The following IGF1R variants were observed in gnomAD, a reference collection of about 807,000 sequenced individuals.
The protein encoded by IGF1R is insulin like growth factor 1 receptor.
A neutral mutation model predicts 144.6 loss-of-function variants in IGF1R; 44 were observed. The observed-to-expected ratio is 0.30, with a 90% confidence interval of 0.24 to 0.39. The LOEUF (loss-of-function observed/expected upper bound fraction) is 0.39. Ranked by LOEUF, IGF1R falls within the 10% of genes least tolerant of loss-of-function variation. IGF1R has a pLI of 1.00. For synonymous variants in IGF1R, 795 were observed against 722.8 expected (o/e 1.10, Z -1.60); for missense variants, 1,355 against 1,833.7 (o/e 0.74, Z 4.77).
intron 5 of IGF1R, among the ~76,000 whole-genome samples, chr15:98,904,049 A>ATTT (rs35759630): frequency 3.9e-5 from 4 of 103,784 alleles, no homozygotes; most frequent in Admixed American, 9.8e-5. Flanking sequence ...TGATGGGTGA[A>ATTT]TTTTTTTTTT....
intron 1 of IGF1R, among the ~76,000 whole-genome samples, chr15:98,656,429 A>T (rs1007698523): frequency 6.6e-6 from 1 of 152,132 alleles, no homozygotes; most frequent in African/African-American, 2.4e-5. Flanking sequence ...CGTGCCTATA[A>T]TCCCAGCTAC....
chr15:98,788,776 G>A (rs117944139), intron 2 of IGF1R, among the ~76,000 whole-genome samples: 3 of 152,248 alleles, frequency 2.0e-5, no homozygotes, highest in East Asian at 3.9e-4. Context: ...AAACAGCCCC[G>A]GTCATCTTTG....
intron 2 of IGF1R, among the ~76,000 whole-genome samples, chr15:98,727,430 G>A (rs751674197): frequency 3.6e-4 from 55 of 152,172 alleles, no homozygotes; most frequent in Non-Finnish European, 6.2e-4. Context: ...TTGCCTGCCC[G>A]TAGTTTAATT....
At chr15:98,849,525 C>G (rs1280493101) in intron 2 of IGF1R, among the ~76,000 whole-genome samples, 1 of 152,096 alleles carries the variant, frequency 6.6e-6, no homozygotes, top group African/African-American at 2.4e-5. Context: ...AGTTTCAACT[C>G]AAAATCCAGA....
intron 2 of IGF1R, among the ~76,000 whole-genome samples, chr15:98,802,872 G>A (rs551379165): frequency 6.6e-6 from 1 of 152,126 alleles, no homozygotes; most frequent in African/African-American, 2.4e-5. Context: ...GATAGGAATT[G>A]TGCTACCAAA....
intron 5 of IGF1R, among the ~76,000 whole-genome samples, chr15:98,901,413 T>C (rs769344069): frequency 6.6e-6 from 1 of 152,204 alleles, no homozygotes; most frequent in Non-Finnish European, 1.5e-5. Context: ...TCTCTCACCC[T>C]GTCTTCCTGG....
intron 2 of IGF1R, among the ~76,000 whole-genome samples, chr15:98,830,225 T>G (rs2056975116): frequency 6.6e-6 from 1 of 152,222 alleles, no homozygotes; most frequent in South Asian, 2.1e-4. Context: ...CCTTTCTAAA[T>G]GGGGTGGGAG....
At chr15:98,916,936 C>T (rs560608535) in intron 10 of IGF1R, 60 bp downstream of exon 10, 1 of 1,414,170 alleles carries the variant, frequency 7.1e-7, no homozygotes, top group Admixed American at 1.7e-5. Context: ...GGTTCTGTTG[C>T]CTTTCTCCCC....
At chr15:98,808,001 T>C (rs1161042482) in intron 2 of IGF1R, among the ~76,000 whole-genome samples, 3 of 152,196 alleles carry the variant, frequency 2.0e-5, no homozygotes, top group Non-Finnish European at 4.4e-5. Context: ...TGAACATGAT[T>C]TTTTGGTGGT....
chr15:98,906,604 C>T (rs1332570993), intron 5 of IGF1R, among the ~76,000 whole-genome samples: 1 of 152,228 alleles, frequency 6.6e-6, no homozygotes, highest in African/African-American at 2.4e-5. Flanking sequence ...CCCCCAGCAA[C>T]AGTAGCGCCA....
chr15:98,703,650 C>T (rs1359752743), intron 1 of IGF1R, among the ~76,000 whole-genome samples: 1 of 152,190 alleles, frequency 6.6e-6, no homozygotes, highest in African/African-American at 2.4e-5. Context: ...GGAGACTGCT[C>T]TTTCATTTGA....
chr15:98,727,556 CT>C (rs2054390460), intron 2 of IGF1R, among the ~76,000 whole-genome samples: 1 of 92,824 alleles, frequency 1.1e-5, no homozygotes, highest in African/African-American at 2.7e-5. Context: ...GAGTATGGGG[CT>C]TGGGTGTCTC....
In IGF1R at chr15:98,720,641, G is replaced by T. The variant is rs562403198; in HGVS notation, c.640+12534G>T. On this transcript the variant is annotated intron_variant, in intron 2 of 20. Transcript: ENST00000650285. ...AGGCTGGCAAAGCACCTCAGTGATA[G>T]GGCAGAAGGAAATAAAGTGGTTAGG... Among the ~76,000 whole-genome samples the T allele has an allele frequency of 4.6e-5, 7 of 152,294 alleles. No individual in the cohort carries two copies. In the South Asian group the frequency reaches 1.4e-3, roughly 32 times the overall value.
intron 2 of IGF1R, among the ~76,000 whole-genome samples, chr15:98,823,982 C>T (rs569744959): frequency 2.0e-5 from 3 of 152,190 alleles, no homozygotes; most frequent in Non-Finnish European, 4.4e-5. Flanking sequence ...GTTTCTTATA[C>T]TCAGTCATTT....
intron 2 of IGF1R, among the ~76,000 whole-genome samples, chr15:98,790,587 A>G (rs1461353783): frequency 6.6e-6 from 1 of 152,076 alleles, no homozygotes; most frequent in Non-Finnish European, 1.5e-5. Flanking sequence ...CAGAGGGGCC[A>G]CTGCACCTGC....
At chr15:98,944,091 A>AT (rs2016464071) in intron 19 of IGF1R, among the ~76,000 whole-genome samples, 1 of 152,150 alleles carries the variant, frequency 6.6e-6, no homozygotes, top group South Asian at 2.1e-4. Context: ...GTGTTTAGAG[A>AT]TTGGGATGGT....
intron 5 of IGF1R, among the ~76,000 whole-genome samples, chr15:98,907,499 G>A (rs984470550): frequency 1.3e-5 from 2 of 152,222 alleles, no homozygotes; most frequent in Non-Finnish European, 2.9e-5. Flanking sequence ...GTCACTCAAA[G>A]TACTGCACTG....
chr15:98,953,240 C>G (rs1007806960), intron 20 of IGF1R: 2 of 152,156 alleles, frequency 1.3e-5, no homozygotes, highest in Non-Finnish European at 2.9e-5. Flanking sequence ...AGATTCTCAC[C>G]CCTCAGTGTC....
intron 2 of IGF1R, among the ~76,000 whole-genome samples, chr15:98,830,034 G>T (rs1054413791): frequency 6.6e-6 from 1 of 152,150 alleles, no homozygotes; most frequent in African/African-American, 2.4e-5. Context: ...GAGACAACAG[G>T]GATGGAGCAG....
Sources: gnomAD v4.1 joint callset for allele counts (sites outside exome capture counted in the v4.1 genomes callset) on GRCh38, gnomAD v4.1.1 for gene constraint, MANE v1.5 for transcripts, NCBI Gene and HGNC (gene_info 2026-07-23, HGNC 2026-07-21) for gene names.